PDE4B: variants seen among roughly 807,000 people sequenced by gnomAD.
PDE4B encodes phosphodiesterase 4B, also known as 3',5'-cyclic-AMP phosphodiesterase 4B.
A neutral mutation model predicts 82.2 loss-of-function variants in PDE4B; 20 were observed. The ratio of observed to expected loss-of-function variants is 0.24; its 90% CI spans 0.17 to 0.35. The LOEUF (loss-of-function observed/expected upper bound fraction) is 0.35, where lower values mean the gene tolerates loss of function less well. Among genes scored for constraint, PDE4B ranks in the 10% least tolerant of loss-of-function variants. The pLI, the probability that PDE4B is intolerant of heterozygous loss-of-function variation, is 1.00. For missense variants in PDE4B, 655 were observed against 907.2 expected (o/e 0.72, Z 3.57); for synonymous variants, 320 against 318.9 (o/e 1.00, Z -0.04).
intron 3 of PDE4B, among the ~76,000 whole-genome samples, chr1:65,984,955 G>GAATTTAAATTTAAAA: frequency 6.6e-6 from 1 of 151,834 alleles, no homozygotes. Flanking sequence ...TTAAATTCTA[G>GAATTTAAATTTAAAA]GACTTTATAG....
intron 1 of PDE4B, among the ~76,000 whole-genome samples, chr1:65,845,820 G>A (rs79352316): frequency 0.023 from 3,517 of 152,150 alleles, 64 homozygotes; most frequent in Non-Finnish European, 0.036. Context: ...CTTAAGTTCT[G>A]CATCTCCTTT....
At chr1:66,354,344 G>A in intron 8 of PDE4B, 1 of 973,344 alleles carries the variant, frequency 1.0e-6, no homozygotes, top group African/African-American at 1.8e-5. Flanking sequence ...GGAGGGTACT[G>A]ACTTCAGATT....
At chr1:65,834,172 G>A (rs1376027417) in intron 1 of PDE4B, among the ~76,000 whole-genome samples, 3 of 152,182 alleles carry the variant, frequency 2.0e-5, no homozygotes, top group Non-Finnish European at 4.4e-5. Flanking sequence ...AGCCTCCAGA[G>A]TAGCTGGGAT....
At position 65,913,305 on chromosome 1, in the gene PDE4B, C is replaced by T. The variant is rs547784294; in HGVS notation, c.-10C>T. ...AGACATCCTAAGAGGGGATATTTTC[C>T]ACCTCTATAATGAAGAAAAGCAGGA... On this transcript the variant is annotated 5_prime_UTR_variant, in exon 2 of 17. Coordinates refer to ENST00000341517, the MANE Select transcript of PDE4B (RefSeq NM_002600.4). 4.7e-5 allele frequency: 76 copies of T among 1,612,608 alleles called. 1 individual carries two copies. In the South Asian group the frequency reaches 8.0e-4, roughly 17 times the overall value.
intron 8 of PDE4B, among the ~76,000 whole-genome samples, chr1:66,340,390 T>C (rs962876400): frequency 6.6e-6 from 1 of 152,246 alleles, no homozygotes; most frequent in African/African-American, 2.4e-5. Context: ...TTTTTTCTTC[T>C]TATGGAATAG....
intron 1 of PDE4B, among the ~76,000 whole-genome samples, chr1:65,818,808 A>G (rs960525532): frequency 9.9e-5 from 15 of 152,014 alleles, no homozygotes; most frequent in African/African-American, 2.9e-4. Context: ...TAGAGATATT[A>G]TATTTATTGC....
intron 1 of PDE4B, among the ~76,000 whole-genome samples, chr1:65,899,427 A>T (rs772036762): frequency 6.6e-6 from 1 of 151,974 alleles, no homozygotes; most frequent in Non-Finnish European, 1.5e-5. Context: ...TCCTTAAAGA[A>T]CTAAAAGTAG....
At chr1:66,140,512 T>C (rs1350661097) in intron 3 of PDE4B, among the ~76,000 whole-genome samples, 1 of 152,186 alleles carries the variant, frequency 6.6e-6, no homozygotes, top group East Asian at 1.9e-4. Flanking sequence ...ATGTCTCAAT[T>C]TGTACTATAC....
intron 1 of PDE4B, among the ~76,000 whole-genome samples, chr1:65,862,282 C>T (rs934919431): frequency 6.6e-6 from 1 of 152,068 alleles, no homozygotes; most frequent in Non-Finnish European, 1.5e-5. Context: ...TTATTGCAGG[C>T]TTTTCCTGCA....
At chr1:65,817,374 T>TTAAAAA in intron 1 of PDE4B, among the ~76,000 whole-genome samples, 1 of 152,120 alleles carries the variant, frequency 6.6e-6, no homozygotes, top group Non-Finnish European at 1.5e-5. Context: ...AGATTGAAAT[T>TTAAAAA]TGAAAATGAA....
At chr1:66,209,028 G>A (rs1041782299) in intron 3 of PDE4B, among the ~76,000 whole-genome samples, 1 of 152,180 alleles carries the variant, frequency 6.6e-6, no homozygotes, top group African/African-American at 2.4e-5. Flanking sequence ...CTTCATGAGA[G>A]CTGTGATGCT....
At chr1:66,345,969 C>T (rs1458032000) in intron 8 of PDE4B, among the ~76,000 whole-genome samples, 1 of 152,138 alleles carries the variant, frequency 6.6e-6, no homozygotes, top group Non-Finnish European at 1.5e-5. Context: ...GTTCGGTTGG[C>T]TTTTGGTTCA....
intron 7 of PDE4B, among the ~76,000 whole-genome samples, chr1:66,272,855 A>G (rs1014302174): frequency 2.2e-5 from 3 of 138,946 alleles, no homozygotes; most frequent in South Asian, 2.2e-4. Context: ...ATGGCGCACA[A>G]TCTTGGCTCA....
chr1:66,069,969 A>G lies in PDE4B; in HGVS notation c.281+151134A>G, dbSNP rs191160856. Among the ~76,000 whole-genome samples the G allele has an allele frequency of 3.6e-4, 54 of 152,072 alleles. No homozygotes were observed. The East Asian group carries it at 0.01, about 28-fold the overall frequency. ...TCCATTCTTCCTTATATTTACATGT[A>G]TGTGCAAGTGTGTGCATGTGCATGT... On this transcript the variant is annotated intron_variant, in intron 3 of 16. Transcript: ENST00000341517.
chr1:66,164,750 CTTTTCTTT>C (rs1159018986), intron 3 of PDE4B, among the ~76,000 whole-genome samples: 3 of 122,964 alleles, frequency 2.4e-5, no homozygotes, highest in African/African-American at 9.4e-5. Flanking sequence ...TTTTTCTTTT[CTTTTCTTT>C]TTTTTTTTTT....
chr1:66,145,052 G>A (rs1416514880), intron 3 of PDE4B, among the ~76,000 whole-genome samples: 1 of 152,166 alleles, frequency 6.6e-6, no homozygotes, highest in Non-Finnish European at 1.5e-5. Context: ...TGGTGGCCGT[G>A]AGTAGCAATC....
At chr1:65,993,565 T>G (rs998600406) in intron 3 of PDE4B, among the ~76,000 whole-genome samples, 3 of 152,196 alleles carry the variant, frequency 2.0e-5, no homozygotes, top group Non-Finnish European at 4.4e-5. Flanking sequence ...AACTTATTTT[T>G]AAGATAATGT....
intron 3 of PDE4B, among the ~76,000 whole-genome samples, chr1:66,200,343 C>G (rs1027945057): frequency 2.0e-5 from 3 of 152,024 alleles, no homozygotes; most frequent in Non-Finnish European, 4.4e-5. Context: ...TTTTTTGGTT[C>G]CATATGAACT....
chr1:65,813,885 C>T (rs575221919), intron 1 of PDE4B, among the ~76,000 whole-genome samples: 4 of 108,320 alleles, frequency 3.7e-5, no homozygotes, highest in African/African-American at 1.1e-4. Flanking sequence ...AGGCAGTAGG[C>T]ACTGCGGCAA....
Sources: allele counts gnomAD v4.1 joint callset (sites outside exome capture counted in the v4.1 genomes callset), GRCh38; gene constraint gnomAD v4.1.1; transcripts MANE v1.5; gene names NCBI Gene and HGNC (gene_info 2026-07-23, HGNC 2026-07-21).